The following PRKCB variants were observed in gnomAD, a reference collection of about 807,000 sequenced individuals.
PRKCB encodes protein kinase C beta, also known as protein kinase C beta type.
PRKCB carries 13 observed loss-of-function variants against 81.5 expected under a neutral mutation model. The ratio of observed to expected loss-of-function variants is 0.16; its 90% CI spans 0.10 to 0.25. The LOEUF is 0.25. PRKCB is among the 10% of genes least tolerant of loss of function. PRKCB has a pLI of 1.00. For synonymous variants in PRKCB, 335 were observed against 321.4 expected (o/e 1.04, Z -0.45); for missense variants, 509 against 875.7 (o/e 0.58, Z 5.29).
chr16:24,128,271 A>G (rs1966847981), intron 9 of PRKCB, among the ~76,000 whole-genome samples: 1 of 152,184 alleles, frequency 6.6e-6, no homozygotes, highest in Non-Finnish European at 1.5e-5. Flanking sequence ...GCTACTCAGG[A>G]GGCTGAGGCA....
chr16:24,114,144 G>A (rs1966710348), intron 8 of PRKCB, among the ~76,000 whole-genome samples: 1 of 149,988 alleles, frequency 6.7e-6, no homozygotes, highest in African/African-American at 2.5e-5. Context: ...TCTCTGGGTG[G>A]CAGAGGCTGC....
rs182814496 is a variant in PRKCB, at chr16:24,165,175, A to C, written c.1240-7095A>C. Among the ~76,000 whole-genome samples, 806 of 152,216 alleles carry C rather than the reference A, an allele frequency of 5.3e-3. 5 individuals carry two copies. The highest frequency in any genetic ancestry group is 0.018 in the African/African-American group (739 of 41,540). On this transcript the variant is annotated intron_variant, in intron 10 of 16. Coordinates refer to ENST00000643927, the MANE Select transcript of PRKCB (RefSeq NM_002738.7). ...CTCACCTGAGCCTCCTGAGTAGCTG[A>C]GACTACAGGTGTGCGCCACCATGCC...
intron 12 of PRKCB, among the ~76,000 whole-genome samples, chr16:24,178,696 A>G (rs953837812): frequency 1.3e-5 from 2 of 152,212 alleles, no homozygotes; most frequent in African/African-American, 2.4e-5. Flanking sequence ...AGCACCACGG[A>G]CAGCGCCAAA....
chr16:24,017,892 ATTTTTTTTTTT>A (rs35809970), intron 3 of PRKCB, among the ~76,000 whole-genome samples: 1 of 113,264 alleles, frequency 8.8e-6, no homozygotes, highest in Non-Finnish European at 1.8e-5. Flanking sequence ...ACCATAACTA[ATTTTTTTTTTT>A]TTTTTTTTTT....
intron 2 of PRKCB, among the ~76,000 whole-genome samples, chr16:23,925,942 T>A (rs76223089): frequency 2.0e-5 from 3 of 151,830 alleles, no homozygotes; most frequent in Non-Finnish European, 4.4e-5. Flanking sequence ...TTTTTTTTTT[T>A]AAGATAATGG....
intron 3 of PRKCB, among the ~76,000 whole-genome samples, chr16:23,991,332 C>T (rs757808520): frequency 2.2e-4 from 33 of 152,202 alleles, no homozygotes; most frequent in Non-Finnish European, 4.0e-4. Context: ...TTTGCAAAGA[C>T]AAAGTTTGAG....
At chr16:23,884,237 C>A (rs776339721) in intron 2 of PRKCB, among the ~76,000 whole-genome samples, 1 of 152,136 alleles carries the variant, frequency 6.6e-6, no homozygotes, top group Non-Finnish European at 1.5e-5. Flanking sequence ...CTCTGGCACC[C>A]GTGTTGTGCT....
At chr16:24,176,105 G>A (rs1283390134) in intron 12 of PRKCB, among the ~76,000 whole-genome samples, 4 of 152,082 alleles carry the variant, frequency 2.6e-5, no homozygotes, top group African/African-American at 7.2e-5. Context: ...GGCTTTCAGA[G>A]TCCTGGGGCT....
At chr16:23,974,974 G>A (rs1263410365) in intron 2 of PRKCB, among the ~76,000 whole-genome samples, 2 of 152,160 alleles carry the variant, frequency 1.3e-5, no homozygotes, top group East Asian at 3.9e-4. Flanking sequence ...CATGTGCAAG[G>A]GGAAAGCCGG....
At chr16:23,868,428 A>G (rs1234032969) in intron 2 of PRKCB, among the ~76,000 whole-genome samples, 2 of 152,226 alleles carry the variant, frequency 1.3e-5, no homozygotes, top group Non-Finnish European at 2.9e-5. Flanking sequence ...ATTTCTATTT[A>G]TTGAGCATTT....
chr16:23,891,021 G>GTGTGTA (rs1491316390), intron 2 of PRKCB, among the ~76,000 whole-genome samples: 6,569 of 148,220 alleles, frequency 0.044, 217 homozygotes, highest in South Asian at 0.083. Context: ...GTGTGTGTGT[G>GTGTGTA]TATATATATA....
intron 2 of PRKCB, chr16:23,963,455 A>G (rs1964450724): frequency 6.6e-6 from 1 of 152,212 alleles, no homozygotes; most frequent in Middle Eastern, 3.2e-3. Flanking sequence ...ATTAGCCAAG[A>G]ATGGAACCTG....
intron 1 of PRKCB, among the ~76,000 whole-genome samples, chr16:23,836,754 C>T (rs1177752688): frequency 7.4e-6 from 1 of 134,640 alleles, no homozygotes; most frequent in African/African-American, 2.9e-5. Context: ...CCCTCGCCCC[C>T]CACCCCTTGT....
intron 7 of PRKCB, among the ~76,000 whole-genome samples, chr16:24,097,458 G>T (rs1481935168): frequency 6.6e-6 from 1 of 152,280 alleles, no homozygotes; most frequent in East Asian, 1.9e-4. Flanking sequence ...GGTGGGTTGG[G>T]GAGATAAACA....
At chr16:23,921,889 A>G (rs992555265) in intron 2 of PRKCB, among the ~76,000 whole-genome samples, 7 of 152,208 alleles carry the variant, frequency 4.6e-5, no homozygotes, top group African/African-American at 1.7e-4. Flanking sequence ...GGTGGGCATC[A>G]AGGCAGGCCT....
At chr16:24,139,501 G>T (rs1360311793) in intron 9 of PRKCB, among the ~76,000 whole-genome samples, 1 of 152,134 alleles carries the variant, frequency 6.6e-6, no homozygotes, top group Non-Finnish European at 1.5e-5. Context: ...CCTTCTAGGG[G>T]TGTAGTGACA....
chr16:24,206,967 G>A (rs1968056307), intron 16 of PRKCB, among the ~76,000 whole-genome samples: 1 of 152,206 alleles, frequency 6.6e-6, no homozygotes, highest in South Asian at 2.1e-4. Flanking sequence ...GTCTCACTCT[G>A]TCACCCAGGC....
At chr16:24,099,237 A>T (rs1238951191) in intron 7 of PRKCB, 3 of 152,236 alleles carry the variant, frequency 2.0e-5, no homozygotes, top group Admixed American at 2.0e-4. Flanking sequence ...TTTCTTTTCT[A>T]TAATGGACTT....
intron 5 of PRKCB, among the ~76,000 whole-genome samples, chr16:24,065,601 G>C (rs894465618): frequency 1.3e-5 from 2 of 152,076 alleles, no homozygotes; most frequent in African/African-American, 4.8e-5. Flanking sequence ...TACCCTTTCT[G>C]TTAGTTTTCA....
Sources: gnomAD v4.1 joint callset for allele counts (sites outside exome capture counted in the v4.1 genomes callset) on GRCh38, gnomAD v4.1.1 for gene constraint, MANE v1.5 for transcripts, NCBI Gene and HGNC (gene_info 2026-07-23, HGNC 2026-07-21) for gene names.